Variants in KCNH7 observed in about 807,000 individuals in gnomAD.
KCNH7 encodes potassium voltage-gated channel subfamily H member 7, also known as voltage-gated inwardly rectifying potassium channel KCNH7.
In KCNH7, 49 loss-of-function variants were observed where a neutral mutation model predicts 120.8. The ratio of observed to expected loss-of-function variants is 0.41; its 90% CI spans 0.32 to 0.51. The LOEUF is 0.51. Ranked by LOEUF, KCNH7 falls within the 20% of genes least tolerant of loss-of-function variation. The pLI is 0.38. For synonymous variants in KCNH7, 547 were observed against 516.1 expected (o/e 1.06, Z -0.81); for missense variants, 1,097 against 1,446.6 (o/e 0.76, Z 3.92).
chr2:162,617,029 T>A (rs577335356), intron 2 of KCNH7, among the ~76,000 whole-genome samples: 1 of 152,056 alleles, frequency 6.6e-6, no homozygotes, highest in African/African-American at 2.4e-5. Context: ...CATCAAATCA[T>A]GTCATAGACC....
intron 2 of KCNH7, among the ~76,000 whole-genome samples, chr2:162,649,128 A>T (rs1684481263): frequency 1.3e-5 from 2 of 152,214 alleles, no homozygotes; most frequent in Admixed American, 1.3e-4. Context: ...TTCCACTATC[A>T]ATTATTAAAT....
chr2:162,381,541 A>C (rs2105405889), intron 13 of KCNH7, among the ~76,000 whole-genome samples: 1 of 152,228 alleles, frequency 6.6e-6, no homozygotes, highest in South Asian at 2.1e-4. Flanking sequence ...TGAGGTGTCT[A>C]TAATTTCTGC....
intron 2 of KCNH7, among the ~76,000 whole-genome samples, chr2:162,547,208 A>C (rs1692510497): frequency 6.6e-6 from 1 of 152,106 alleles, no homozygotes; most frequent in African/African-American, 2.4e-5. Context: ...CAGCATGGGG[A>C]GCAGGGGGCA....
chr2:162,573,820 C>T (rs1331825065), intron 2 of KCNH7, among the ~76,000 whole-genome samples: 1 of 151,884 alleles, frequency 6.6e-6, no homozygotes, highest in East Asian at 1.9e-4. Flanking sequence ...CAGGGAGCTT[C>T]TAATTTTCAA....
chr2:162,811,310 T>C (rs1267792931), intron 2 of KCNH7, among the ~76,000 whole-genome samples: 23 of 152,148 alleles, frequency 1.5e-4, no homozygotes, highest in Middle Eastern at 3.2e-3. Flanking sequence ...AGGATTGTAT[T>C]TGAAAATATT....
At chr2:162,417,692 T>G (rs1277073043) in intron 9 of KCNH7, among the ~76,000 whole-genome samples, 2 of 152,132 alleles carry the variant, frequency 1.3e-5, no homozygotes, top group Non-Finnish European at 2.9e-5. Context: ...ATCCTACCAC[T>G]GAAGAACTCA....
At chr2:162,394,637 T>C (rs1044890845) in intron 11 of KCNH7, 152 bp from the exon 12 acceptor site, 3 of 588,768 alleles carry the variant, frequency 5.1e-6, no homozygotes. Context: ...CCTTGCTTAA[T>C]ACTTGTCTCT....
At chr2:162,583,959 G>T (rs184347748) in intron 2 of KCNH7, among the ~76,000 whole-genome samples, 1 of 152,158 alleles carries the variant, frequency 6.6e-6, no homozygotes, top group East Asian at 1.9e-4. Flanking sequence ...TTTAGAAAGG[G>T]CAGTACCCAA....
intron 2 of KCNH7, among the ~76,000 whole-genome samples, chr2:162,663,269 A>T (rs192593006): frequency 5.3e-5 from 8 of 152,352 alleles, no homozygotes; most frequent in Admixed American, 3.3e-4. Flanking sequence ...TGTATCCTGT[A>T]ATATTAATTT....
intron 2 of KCNH7, among the ~76,000 whole-genome samples, chr2:162,557,188 T>A (rs960920129): frequency 1.3e-5 from 2 of 152,234 alleles, no homozygotes; most frequent in Admixed American, 6.5e-5. Context: ...TGCACTCATA[T>A]GGCTGGCTGC....
Position 162,384,806 on chromosome 2 carries a change from G to T in KCNH7, c.2844C>A (p.Leu948=). The change falls in exon 13 of 16, where the codon CTC becomes CTA. Residue 948 remains leucine, a synonymous_variant. Transcript: ENST00000332142. ...ISSIDDEQKP[L]FSGIVDSSPG... Reference sequence around the variant, plus strand: ...GAGAAGAGTCTACTATTCCTGAGAAGAGCGGCTTTTGTTCATCATCAATGG... The same window carrying T: ...GAGAAGAGTCTACTATTCCTGAGAATAGCGGCTTTTGTTCATCATCAATGG... The T allele has an allele frequency of 1.2e-6, 2 of 1,612,890 alleles. No homozygotes were observed. Among genetic ancestry groups the T allele is most frequent in the African/African-American group, 2.7e-5 (2 of 74,954 alleles).
chr2:162,458,768 C>T (rs1406837305), intron 6 of KCNH7, among the ~76,000 whole-genome samples: 2 of 151,990 alleles, frequency 1.3e-5, no homozygotes, highest in African/African-American at 4.8e-5. Flanking sequence ...GGCATAGATG[C>T]CAACAGGAGG....
chr2:162,692,943 G>T (rs1686166810), intron 2 of KCNH7, among the ~76,000 whole-genome samples: 1 of 149,786 alleles, frequency 6.7e-6, no homozygotes, highest in African/African-American at 2.5e-5. Context: ...AAATAATCAA[G>T]ACAAAAAAAA....
At chr2:162,752,899 T>C in intron 2 of KCNH7, among the ~76,000 whole-genome samples, 1 of 6,512 alleles carries the variant, frequency 1.5e-4, no homozygotes. Context: ...AGACTACATC[T>C]CAGAAAAAGA....
intron 2 of KCNH7, among the ~76,000 whole-genome samples, chr2:162,815,941 C>G (rs1037181736): frequency 1.3e-5 from 2 of 152,140 alleles, no homozygotes; most frequent in African/African-American, 4.8e-5. Flanking sequence ...ACCTCATCCT[C>G]CAGTTTAAAA....
chr2:162,413,332 G>A lies in KCNH7; in HGVS notation c.2154+10004C>T, dbSNP rs143197658. On this transcript the variant is annotated intron_variant, in intron 9 of 15. Coordinates refer to ENST00000332142, the MANE Select transcript of KCNH7 (RefSeq NM_033272.4). ...TTAGTACATGGGGTTTCACCACGTT[G>A]GCCAGGCTAGTCTCGAACTCCTGAC... Among the ~76,000 whole-genome samples the A allele has an allele frequency of 1.9e-3, 290 of 152,100 alleles. 3 individuals are homozygous for A. Among genetic ancestry groups the A allele is most frequent in the Non-Finnish European group, 1.8e-4 (12 of 67,986 alleles).
chr2:162,414,592 T>C, intron 9 of KCNH7, among the ~76,000 whole-genome samples: 1 of 151,918 alleles, frequency 6.6e-6, no homozygotes, highest in Non-Finnish European at 1.5e-5. Context: ...GTTTTTTAGA[T>C]TAAATTATGC....
At chr2:162,474,812 TC>T (rs1201118217) in intron 6 of KCNH7, among the ~76,000 whole-genome samples, 1 of 150,638 alleles carries the variant, frequency 6.6e-6, no homozygotes, top group East Asian at 2.0e-4. Context: ...AAACAGATCA[TC>T]CCTTATTGAT....
At chr2:162,673,071 C>A (rs975301562) in intron 2 of KCNH7, among the ~76,000 whole-genome samples, 4 of 151,956 alleles carry the variant, frequency 2.6e-5, no homozygotes, top group African/African-American at 7.2e-5. Context: ...GTTCCACATG[C>A]AACCAAGAAT....
Sources: allele counts gnomAD v4.1 joint callset (sites outside exome capture counted in the v4.1 genomes callset), GRCh38; gene constraint gnomAD v4.1.1; transcripts MANE v1.5; gene names NCBI Gene and HGNC (gene_info 2026-07-23, HGNC 2026-07-21).